The following ERFE variants were observed in gnomAD, a reference collection of about 807,000 sequenced individuals.
ERFE encodes complement C1q tumor necrosis factor-related protein 15.
In ERFE, 25 loss-of-function variants were observed where a neutral mutation model predicts 26.6. The ratio of observed to expected loss-of-function variants is 0.94; its 90% confidence interval spans 0.69 to 1.31. The LOEUF is 1.31. ERFE is among the 40% of genes most tolerant of loss of function. The probability of loss-of-function intolerance (pLI) is 0.00; values close to 1 mark genes in which losing one functional copy is unlikely to be tolerated. For synonymous variants in ERFE, 206 were observed against 204.5 expected, an observed-to-expected ratio of 1.01 and a Z score of -0.06; for missense variants, 447 against 440.2, an observed-to-expected ratio of 1.02 and a Z score of -0.14.
Position 238,166,856 on chromosome 2 carries a change from CG to C in ERFE, c.967-96del, listed in dbSNP as rs561543292. 2.3e-4 allele frequency: 226 copies of C among 982,524 alleles called. No individual in the cohort carries two copies. In the African/African-American group the frequency reaches 3.1e-3, roughly 14 times the overall value. The allele number at this position is 982,524 out of a possible 1,614,324, so 60.9% of individuals were successfully genotyped here. A position where few individuals can be genotyped will look rare whatever the true frequency, so the allele number is the denominator to read the frequency against. ...TCTGGGCCTGAGCCCTTCCCAAAAG[CG>C]GGGCTGAGTGGGCAGGAGGGAGTGT... is the stretch of plus-strand genomic sequence containing the variant. On this transcript the variant is annotated intron_variant, in intron 7 of 7. Transcript: ENST00000546354.
At position 238,159,081 on chromosome 2, in the gene ERFE, CG is replaced by C; in HGVS notation, c.77del (p.Gly26AlafsTer81). ...VYAGLLAAAA[A>X]GLGSPEPGAP... ...GCGGGCCTGCTGGCCGCCGCCGCCG[CG>C]GGCCTGGGGTCCCCGGAGCCTGGGG... On this transcript the variant is annotated frameshift_variant, in exon 1 of 8. Transcript: ENST00000546354. LOFTEE classifies it high-confidence loss of function. The C allele has an allele frequency of 4.5e-6, 1 of 222,456 alleles. No homozygotes were observed. The highest frequency in any genetic ancestry group is 8.6e-6 in the Non-Finnish European group (1 of 116,428). The allele number at this position is 222,456 out of a possible 1,614,324, so 13.8% of individuals were successfully genotyped here. A position where few individuals can be genotyped will look rare whatever the true frequency, so the allele number is the denominator to read the frequency against.
intron 2 of ERFE, 94 bp downstream of exon 2, chr2:238,161,810 A>G (rs1692943617): frequency 7.1e-7 from 1 of 1,406,102 alleles, no homozygotes; most frequent in Non-Finnish European, 9.4e-7. Flanking sequence ...CATTTCCAAT[A>G]GCACACCCCT....
At position 238,168,771 on chromosome 2, in the gene ERFE, T is replaced by C. The variant is rs1693092316; in HGVS notation, c.*1717T>C. On this transcript the variant is annotated 3_prime_UTR_variant, in exon 8 of 8. Transcript: ENST00000546354. ...TTGTATCCACTGGGCACAGATATTCTAGAGAACTTATCTTTCACTCTTGTA... is the reference window on the plus strand; with the variant it reads ...TTGTATCCACTGGGCACAGATATTCCAGAGAACTTATCTTTCACTCTTGTA... 1.0e-5 allele frequency: 2 copies of C among 192,656 alleles called. No homozygotes were observed. Among genetic ancestry groups the C allele is most frequent in the African/African-American group, 4.6e-5 (2 of 43,104 alleles). The allele number at this position is 192,656 out of a possible 1,614,324, so 11.9% of individuals were successfully genotyped here.
chr2:238,159,583 T>C (rs1437466820), intron 1 of ERFE, among the ~76,000 whole-genome samples: 1 of 152,240 alleles, frequency 6.6e-6, no homozygotes, highest in East Asian at 1.9e-4. Context: ...CCAATCTATT[T>C]GGTGCAATTA....
chr2:238,162,246 G>A (rs1228715362), intron 2 of ERFE, among the ~76,000 whole-genome samples: 1 of 152,236 alleles, frequency 6.6e-6, no homozygotes, highest in African/African-American at 2.4e-5. Context: ...CGGAGTGCAT[G>A]AGGCAGGTGC....
At chr2:238,163,327 C>T (rs1414445031) in intron 3 of ERFE, among the ~76,000 whole-genome samples, 1 of 152,224 alleles carries the variant, frequency 6.6e-6, no homozygotes, top group Non-Finnish European at 1.5e-5. Context: ...AGCGGCGGCT[C>T]ACATTAGTCA....
At chr2:238,165,511 T>C in intron 6 of ERFE, 95 bp from the exon 7 acceptor site, 1 of 1,060,076 alleles carries the variant, frequency 9.4e-7, no homozygotes, top group South Asian at 1.4e-5. Flanking sequence ...GGCACTTTGC[T>C]GGGCATGTGT....
chr2:238,166,490 G>A (rs1232237913), intron 7 of ERFE, among the ~76,000 whole-genome samples: 4 of 152,202 alleles, frequency 2.6e-5, no homozygotes, highest in Non-Finnish European at 5.9e-5. Context: ...TGCATTTCTG[G>A]GAGTTCCCAG....
In ERFE at chr2:238,167,976, CAG is replaced by C. The variant is rs1180880210; in HGVS notation, c.*925_*926del. On this transcript the variant is annotated 3_prime_UTR_variant, in exon 8 of 8. Coordinates refer to ENST00000546354, the MANE Select transcript of ERFE (RefSeq NM_001291832.2). ...TGACCCATCATCCGAATAGCTGAAGCAGAGTCTTCCACCAGGGGTGCCAGGGC... is the reference window on the plus strand; with the variant it reads ...TGACCCATCATCCGAATAGCTGAAGCAGTCTTCCACCAGGGGTGCCAGGGC... 3 of 188,252 alleles carry C rather than the reference CAG, an allele frequency of 1.6e-5. No individual in the cohort carries two copies. Among genetic ancestry groups the C allele is most frequent in the African/African-American group, 7.1e-5 (3 of 42,362 alleles). The allele number at this position is 188,252 out of a possible 1,614,324, so 11.7% of individuals were successfully genotyped here. A position where few individuals can be genotyped will look rare whatever the true frequency, so the allele number is the denominator to read the frequency against.
intron 7 of ERFE, among the ~76,000 whole-genome samples, chr2:238,166,068 G>A (rs1170952047): frequency 6.6e-6 from 1 of 152,304 alleles, no homozygotes; most frequent in East Asian, 1.9e-4. Flanking sequence ...CCAGGCTGAC[G>A]CCCTGAGTCC....
Position 238,164,065 on chromosome 2 carries a change from C to A in ERFE, c.688-10C>A. The A allele has an allele frequency of 7.1e-7, 1 of 1,412,062 alleles. No homozygotes were observed. Among genetic ancestry groups the A allele is most frequent in the East Asian group, 3.0e-5 (1 of 33,036 alleles). 87.5% of individuals were successfully genotyped at this position (1,412,062 alleles called of 1,614,324 possible). ...GCGGGAGCCGGGGTGACCATCCGTGCCCCTCGCAGCCCGACGCCGAGGGTG... is the reference window on the plus strand; with the variant it reads ...GCGGGAGCCGGGGTGACCATCCGTGACCCTCGCAGCCCGACGCCGAGGGTG... On this transcript the variant is annotated splice_polypyrimidine_tract_variant and intron_variant, in intron 4 of 7. Transcript: ENST00000546354.
chr2:238,166,875 G>C, intron 7 of ERFE, 81 bp from the exon 8 acceptor site: 3 of 1,155,038 alleles, frequency 2.6e-6, no homozygotes, highest in Non-Finnish European at 3.8e-6. Context: ...GTGGGCAGGA[G>C]GGAGTGTGGC....
chr2:238,164,776 G>A lies in ERFE; in HGVS notation c.887+416G>A, dbSNP rs186479091. 1.8e-3 allele frequency: 391 copies of A among 213,224 alleles called. 1 individual carries two copies. Among genetic ancestry groups the A allele is most frequent in the African/African-American group, 8.9e-3 (374 of 42,074 alleles). 13.2% of individuals were successfully genotyped at this position (213,224 alleles called of 1,614,324 possible). ...TGAGGCAGGAGAATGGCGTGAACCC[G>A]GGAGGCGGAGCTTGCAGTGAGCAGA... On this transcript the variant is annotated intron_variant, in intron 6 of 7. Coordinates refer to ENST00000546354, the MANE Select transcript of ERFE (RefSeq NM_001291832.2).
Position 238,164,358 on chromosome 2 carries a change from C to A in ERFE, c.885C>A (p.Asn295Lys). ...LICIQSRCQR[N>K]ASLEAIMGLE... is the part of the protein sequence containing the mutation. ...GCATCCAGTCCCGGTGCCAGCGCAACGCGTGAGTGTACCCCGGCCCGGACC... is the reference window on the plus strand; with the variant it reads ...GCATCCAGTCCCGGTGCCAGCGCAAAGCGTGAGTGTACCCCGGCCCGGACC... The change falls in exon 6 of 8, where the codon AAC becomes AAA. Residue 295 changes from asparagine (N) to lysine (K), a missense_variant and splice_region_variant. Asn to Lys is a moderately conservative substitution (Grantham distance 94). Transcript: ENST00000546354. 1.3e-6 allele frequency: 2 copies of A among 1,542,754 alleles called. No individual in the cohort carries two copies. Among genetic ancestry groups the A allele is most frequent in the Non-Finnish European group, 1.7e-6 (2 of 1,145,578 alleles).
chr2:238,163,618 G>A (rs1692974779), intron 3 of ERFE, 119 bp from the exon 4 acceptor site: 2 of 1,173,404 alleles, frequency 1.7e-6, no homozygotes, highest in East Asian at 3.4e-5. Context: ...CGTCGCCCTC[G>A]CCCCACCCCT....
intron 1 of ERFE, among the ~76,000 whole-genome samples, chr2:238,160,004 A>G (rs931629610): frequency 3.9e-5 from 6 of 152,152 alleles, no homozygotes; most frequent in African/African-American, 1.4e-4. Flanking sequence ...AGAGTTCTCT[A>G]TCCCGGCCCC....
chr2:238,164,210 C>A (rs555517103), intron 5 of ERFE, 27 bp downstream of exon 5: 3 of 1,431,628 alleles, frequency 2.1e-6, no homozygotes, highest in Non-Finnish European at 2.7e-6. Flanking sequence ...GGGAGGATCG[C>A]CCGCTCTGTC....
chr2:238,164,350 C>T lies in ERFE; in HGVS notation c.877C>T (p.Gln293Ter). Residue 293 changes from glutamine (Q) to a stop codon, truncating the protein, a stop_gained, in exon 6 of 8, where the codon CAG (glutamine) becomes TAG (stop). Coordinates refer to ENST00000546354, the MANE Select transcript of ERFE (RefSeq NM_001291832.2). LOFTEE classifies it high-confidence loss of function. The part of the protein sequence containing the change: ...RLLICIQSRC[Q>*]RNASLEAIMG... ...GCTCATCTGCATCCAGTCCCGGTGCCAGCGCAACGCGTGAGTGTACCCCGG... is the reference window on the plus strand; with the variant it reads ...GCTCATCTGCATCCAGTCCCGGTGCTAGCGCAACGCGTGAGTGTACCCCGG... The T allele has an allele frequency of 1.3e-6, 2 of 1,542,292 alleles. No homozygotes were observed. The highest frequency in any genetic ancestry group is 2.5e-5 in the East Asian group (1 of 40,470).
In ERFE at chr2:238,167,059, C is replaced by T. The variant is rs984265690; in HGVS notation, c.*5C>T. ...GCTGTCCTCCTGGGCGTGTGAGCGGCCACCACAGGCCCTTCCTCTCAGGGG... is the reference window on the plus strand; with the variant it reads ...GCTGTCCTCCTGGGCGTGTGAGCGGTCACCACAGGCCCTTCCTCTCAGGGG... On this transcript the variant is annotated 3_prime_UTR_variant, in exon 8 of 8. Transcript: ENST00000546354. The T allele has an allele frequency of 1.3e-6, 2 of 1,549,596 alleles. No individual in the cohort carries two copies. The highest frequency in any genetic ancestry group is 2.7e-5 in the African/African-American group (2 of 73,068).
Sources: allele counts gnomAD v4.1 joint callset (sites outside exome capture counted in the v4.1 genomes callset), GRCh38; gene constraint gnomAD v4.1.1; transcripts MANE v1.5; gene names NCBI Gene and HGNC (gene_info 2026-07-23, HGNC 2026-07-21).